The following CTNNA3 variants were observed in gnomAD, a reference collection of about 807,000 sequenced individuals.
The protein encoded by CTNNA3 is catenin alpha 3.
A neutral mutation model predicts 95.7 loss-of-function variants in CTNNA3; 76 were observed. The observed-to-expected ratio is 0.79, with a 90% CI of 0.66 to 0.96. CTNNA3 has a LOEUF of 0.96. Ranked by LOEUF, CTNNA3 falls within the 40% of genes least tolerant of loss-of-function variation. The pLI is 0.00. For missense variants in CTNNA3, 1,191 were observed against 1,089.8 expected, an observed-to-expected ratio of 1.09 and a Z score of -1.31; for synonymous variants, 431 against 374.4, an observed-to-expected ratio of 1.15 and a Z score of -1.74.
chr10:67,053,877 T>G (rs1048170715), intron 7 of CTNNA3, among the ~76,000 whole-genome samples: 1 of 152,146 alleles, frequency 6.6e-6, no homozygotes, highest in Non-Finnish European at 1.5e-5. Flanking sequence ...TATCTATGAC[T>G]TGTGCTAGAA....
At chr10:67,635,211 C>A (rs1839268526) in intron 2 of CTNNA3, among the ~76,000 whole-genome samples, 1 of 152,020 alleles carries the variant, frequency 6.6e-6, no homozygotes, top group Non-Finnish European at 1.5e-5. Flanking sequence ...GGCCCATGAC[C>A]AGAAGGATTT....
intron 7 of CTNNA3, among the ~76,000 whole-genome samples, chr10:66,864,889 C>A (rs534993936): frequency 6.6e-6 from 1 of 151,926 alleles, no homozygotes; most frequent in South Asian, 2.1e-4. Context: ...TATAAAATGT[C>A]TGTTATAAAA....
At chr10:66,421,309 T>C (rs940613175) in intron 11 of CTNNA3, among the ~76,000 whole-genome samples, 1 of 152,064 alleles carries the variant, frequency 6.6e-6, no homozygotes, top group African/African-American at 2.4e-5. Flanking sequence ...AGTACAAACA[T>C]GTAATTAGAT....
chr10:66,195,114 T>C (rs1458465399), intron 13 of CTNNA3, among the ~76,000 whole-genome samples: 1 of 152,084 alleles, frequency 6.6e-6, no homozygotes, highest in African/African-American at 2.4e-5. Flanking sequence ...AGGAGCTTGA[T>C]CATATTGGCC....
At chr10:66,664,905 A>C (rs1454829571) in intron 9 of CTNNA3, among the ~76,000 whole-genome samples, 1 of 141,124 alleles carries the variant, frequency 7.1e-6, no homozygotes, top group African/African-American at 2.5e-5. Context: ...AAAAAAAAAA[A>C]AAAAACAGAG....
chr10:67,346,849 C>T (rs1842438869), intron 5 of CTNNA3: 1 of 306,696 alleles, frequency 3.3e-6, no homozygotes, highest in Non-Finnish European at 6.8e-6. Context: ...ATCAATGCCA[C>T]ATCATTGTCC....
intron 7 of CTNNA3, among the ~76,000 whole-genome samples, chr10:67,078,358 G>A (rs925358102): frequency 6.6e-6 from 1 of 152,140 alleles, no homozygotes; most frequent in Non-Finnish European, 1.5e-5. Context: ...TAAAGTTTAT[G>A]TGTGTGAATA....
intron 12 of CTNNA3, among the ~76,000 whole-genome samples, chr10:66,360,030 T>C (rs2092641437): frequency 6.6e-6 from 1 of 151,974 alleles, no homozygotes; most frequent in Admixed American, 6.6e-5. Flanking sequence ...GGTTTCAGCA[T>C]GTTGGTCGGG....
intron 9 of CTNNA3, among the ~76,000 whole-genome samples, chr10:66,696,019 G>C (rs991897708): frequency 6.6e-6 from 1 of 151,930 alleles, no homozygotes; most frequent in Non-Finnish European, 1.5e-5. Flanking sequence ...TTAAGGAGTT[G>C]GTATGGCATT....
At chr10:66,909,597 C>A (rs1200761504) in intron 7 of CTNNA3, among the ~76,000 whole-genome samples, 1 of 152,078 alleles carries the variant, frequency 6.6e-6, no homozygotes, top group Admixed American at 6.5e-5. Flanking sequence ...TTCCTCCAAC[C>A]AATTACTCAG....
intron 3 of CTNNA3, among the ~76,000 whole-genome samples, chr10:67,564,410 G>T (rs543025677): frequency 1.5e-4 from 21 of 142,566 alleles, no homozygotes; most frequent in Non-Finnish European, 3.2e-4. Flanking sequence ...ACCAAAGACC[G>T]CATGTTCTCA....
At chr10:67,002,726 G>A (rs1048633285) in intron 7 of CTNNA3, among the ~76,000 whole-genome samples, 5 of 151,778 alleles carry the variant, frequency 3.3e-5, no homozygotes, top group African/African-American at 4.8e-5. Flanking sequence ...AAGTTACCAA[G>A]CAGAATTTTT....
intron 8 of CTNNA3, among the ~76,000 whole-genome samples, chr10:66,768,662 A>C (rs1839962629): frequency 6.6e-6 from 1 of 152,120 alleles, no homozygotes; most frequent in African/African-American, 2.4e-5. Flanking sequence ...CTTTCTACCA[A>C]GAGAAAGGTA....
intron 7 of CTNNA3, among the ~76,000 whole-genome samples, chr10:66,985,851 C>G (rs892267907): frequency 6.6e-6 from 1 of 152,038 alleles, no homozygotes; most frequent in Non-Finnish European, 1.5e-5. Flanking sequence ...CCTCAGCCTC[C>G]CAAGTAACTG....
chr10:66,524,547 G>C (rs1564511244), intron 10 of CTNNA3, among the ~76,000 whole-genome samples: 1 of 152,116 alleles, frequency 6.6e-6, no homozygotes, highest in Admixed American at 6.5e-5. Context: ...AAGTTGTGTT[G>C]TGTTAATCAA....
intron 1 of CTNNA3, among the ~76,000 whole-genome samples, chr10:67,742,589 G>C (rs1451459230): frequency 6.6e-6 from 1 of 151,030 alleles, no homozygotes; most frequent in South Asian, 2.1e-4. Flanking sequence ...ACAATTAAAA[G>C]AGCTAGAAAA....
intron 8 of CTNNA3, among the ~76,000 whole-genome samples, chr10:66,773,984 G>T (rs1203602827): frequency 6.6e-6 from 1 of 152,118 alleles, no homozygotes; most frequent in African/African-American, 2.4e-5. Flanking sequence ...CATGTTTGTT[G>T]TTAATCTGAA....
chr10:66,297,216 T>A (rs1258652102), intron 12 of CTNNA3, among the ~76,000 whole-genome samples: 1 of 152,090 alleles, frequency 6.6e-6, no homozygotes, highest in African/African-American at 2.4e-5. Flanking sequence ...AAAATAAATT[T>A]ATTTATTTTA....
chr10:66,772,309 C>G (rs1222128952), intron 8 of CTNNA3, among the ~76,000 whole-genome samples: 1 of 151,726 alleles, frequency 6.6e-6, no homozygotes, highest in African/African-American at 2.4e-5. Context: ...TCTGTAATCC[C>G]AGCTACTTAG....
Sources: gnomAD v4.1 joint callset for allele counts (sites outside exome capture counted in the v4.1 genomes callset) on GRCh38, gnomAD v4.1.1 for gene constraint, MANE v1.5 for transcripts, NCBI Gene and HGNC (gene_info 2026-07-23, HGNC 2026-07-21) for gene names.